Variants in CS observed in about 807,000 individuals in gnomAD.
The protein encoded by CS is citrate synthase, also known as citrate synthase, mitochondrial.
Under a neutral mutation model 61.4 loss-of-function variants are expected in CS, and 13 were observed. The observed-to-expected ratio is 0.21, with a 90% CI of 0.14 to 0.34. The LOEUF is 0.34. Ranked by LOEUF, CS falls within the 10% of genes least tolerant of loss-of-function variation. CS has a pLI of 1.00. For missense variants in CS, 278 were observed against 573.4 expected (o/e 0.48, Z 5.26); for synonymous variants, 159 against 215.2 (o/e 0.74, Z 2.29).
intron 7 of CS, 167 bp downstream of exon 7, chr12:56,275,829 C>A (rs1432738142): frequency 6.3e-6 from 4 of 634,324 alleles, no homozygotes; most frequent in Non-Finnish European, 1.1e-5. Context: ...GGCCTCCTGA[C>A]CTTGCTTACT....
chr12:56,286,627 G>C lies in CS; in HGVS notation c.61C>G (p.Leu21Val), dbSNP rs768929408. The change falls in exon 2 of 11, where the codon CTT becomes GTT. Residue 21 changes from leucine to valine, a missense_variant. Coordinates refer to ENST00000351328, the MANE Select transcript of CS (RefSeq NM_004077.3). ...GAAGCACTGGCATGCCGGGCTGCAAGAACAAGACAAGATGCATTCTGCAAA... is the reference window on the plus strand; with the variant it reads ...GAAGCACTGGCATGCCGGGCTGCAACAACAAGACAAGATGCATTCTGCAAA... ...LGTKNASCLV[L>V]AARHASASST... 1 of 1,613,888 alleles carries C rather than the reference G, an allele frequency of 6.2e-7. No homozygotes were observed. Among genetic ancestry groups the C allele is most frequent in the Non-Finnish European group, 8.5e-7 (1 of 1,179,966 alleles).
chr12:56,285,267 T>G, intron 3 of CS: 1 of 447,324 alleles, frequency 2.2e-6, no homozygotes, highest in Non-Finnish European at 4.5e-6. Context: ...TTTTTTAAGT[T>G]GAGAAATCAC....
At chr12:56,284,566 AT>A (rs1872877779) in intron 3 of CS, among the ~76,000 whole-genome samples, 1 of 150,058 alleles carries the variant, frequency 6.7e-6, no homozygotes, top group Admixed American at 6.6e-5. Flanking sequence ...ACGTGCCACC[AT>A]GTCTGGCTAA....
intron 6 of CS, among the ~76,000 whole-genome samples, chr12:56,280,047 G>A (rs920256479): frequency 2.0e-5 from 3 of 151,894 alleles, no homozygotes; most frequent in African/African-American, 7.3e-5. Context: ...TGGGGAAGAG[G>A]TGGGCGAATC....
intron 7 of CS, chr12:56,275,662 G>A: frequency 2.7e-6 from 1 of 366,090 alleles, no homozygotes; most frequent in Non-Finnish European, 5.1e-6. Context: ...GATGATGCCT[G>A]TATGCTCTGC....
At chr12:56,300,063 G>A (rs1200653662) in intron 1 of CS, 97 bp downstream of exon 1, 1 of 1,237,798 alleles carries the variant, frequency 8.1e-7, no homozygotes, top group East Asian at 2.8e-5. Flanking sequence ...GGCGCGCAGG[G>A]TGCGCACGGG....
chr12:56,287,630 C>A (rs1218633865), intron 1 of CS, among the ~76,000 whole-genome samples: 1 of 151,604 alleles, frequency 6.6e-6, no homozygotes, highest in East Asian at 1.9e-4. Context: ...AAAAGTTCCA[C>A]ACCAACTTTG....
chr12:56,276,777 G>A (rs1336834341), intron 6 of CS, among the ~76,000 whole-genome samples: 1 of 152,168 alleles, frequency 6.6e-6, no homozygotes, highest in African/African-American at 2.4e-5. Flanking sequence ...CCCGACCTCA[G>A]GTGATCTGCC....
intron 7 of CS, 78 bp from the exon 8 acceptor site, chr12:56,275,209 C>T: frequency 6.4e-7 from 1 of 1,568,420 alleles, no homozygotes; most frequent in Non-Finnish European, 8.7e-7. Flanking sequence ...CTCTTATTTG[C>T]CACTTACTAG....
chr12:56,288,342 T>G (rs1050301688), intron 1 of CS, among the ~76,000 whole-genome samples: 2 of 151,058 alleles, frequency 1.3e-5, no homozygotes, highest in African/African-American at 2.4e-5. Flanking sequence ...GAAGGCTTTT[T>G]AGAATTTTTT....
intron 3 of CS, among the ~76,000 whole-genome samples, chr12:56,284,823 C>G (rs1198600113): frequency 6.7e-6 from 1 of 148,682 alleles, no homozygotes; most frequent in Non-Finnish European, 1.5e-5. Flanking sequence ...CGCTTGAACC[C>G]GGGAGGCGGA....
intron 6 of CS, among the ~76,000 whole-genome samples, chr12:56,281,087 G>A (rs1872765500): frequency 6.6e-6 from 1 of 152,194 alleles, no homozygotes. Context: ...GCACCACAGT[G>A]AACTCTTTAG....
Position 56,285,936 on chromosome 12 carries a change from C to T in CS, c.181G>A (p.Gly61Ser). 1.9e-6 allele frequency: 3 copies of T among 1,612,470 alleles called. No homozygotes were observed. The highest frequency in any genetic ancestry group is 2.5e-6 in the Non-Finnish European group (3 of 1,179,878). Residue 61 changes from glycine to serine, a missense_variant, in exon 3 of 11, where the codon GGC (glycine) becomes AGC (serine). Physicochemically the swap from Gly to Ser is moderately conservative, Grantham distance 56. Coordinates refer to ENST00000351328, the MANE Select transcript of CS (RefSeq NM_004077.3). ...FRQQHGKTVV[G>S]QITVDMMYGG... The stretch of plus-strand genomic sequence containing the variant: ...CTTACCATGTCCACAGTGATTTGGC[C>T]CACCACCGTCTTGCCATGTTGCTGC...
chr12:56,273,536 A>G (rs2135908420), intron 10 of CS, 51 bp downstream of exon 10: 1 of 1,564,124 alleles, frequency 6.4e-7, no homozygotes, highest in East Asian at 2.2e-5. Context: ...ATGGCAGATA[A>G]CAATAGGGTT....
intron 2 of CS, 119 bp from the exon 3 acceptor site, chr12:56,286,142 T>G (rs1341955461): frequency 4.1e-6 from 3 of 733,204 alleles, no homozygotes; most frequent in African/African-American, 3.5e-5. Context: ...GGAAGTCTGG[T>G]CAACTACTCT....
At chr12:56,284,821 C>A (rs527556274) in intron 3 of CS, among the ~76,000 whole-genome samples, 2 of 149,434 alleles carry the variant, frequency 1.3e-5, no homozygotes, top group South Asian at 4.3e-4. Flanking sequence ...ATCGCTTGAA[C>A]CCGGGAGGCG....
intron 5 of CS, 67 bp from the exon 6 acceptor site, chr12:56,282,675 A>G: frequency 1.3e-6 from 2 of 1,537,484 alleles, no homozygotes; most frequent in Non-Finnish European, 1.8e-6. Context: ...AAAAAAGGAC[A>G]GCAACATCTG....
intron 1 of CS, 115 bp from the exon 2 acceptor site, chr12:56,286,760 T>A: frequency 1.1e-6 from 1 of 904,794 alleles, no homozygotes; most frequent in Non-Finnish European, 1.7e-6. Context: ...CTTAGGGCAG[T>A]TTGACATAAG....
In CS at chr12:56,278,881, C is replaced by T. The variant is rs71459353; in HGVS notation, c.589-2686G>A. ...CTCTGCCTCCTAGGTTCAAGCGATT[C>T]TCCCACCTCGGCCTCCTGAGTAGTT... On this transcript the variant is annotated intron_variant, in intron 6 of 10. Transcript: ENST00000351328. 6.3e-3 allele frequency among the ~76,000 whole-genome samples: 956 copies of T among 152,248 alleles called. 8 individuals carry two copies. Among genetic ancestry groups the T allele is most frequent in the African/African-American group, 0.022 (896 of 41,534 alleles).
Sources: gnomAD v4.1 joint callset for allele counts (sites outside exome capture counted in the v4.1 genomes callset) on GRCh38, gnomAD v4.1.1 for gene constraint, MANE v1.5 for transcripts, NCBI Gene and HGNC (gene_info 2026-07-23, HGNC 2026-07-21) for gene names.